Variants in GDA observed in about 807,000 individuals in gnomAD.
GDA encodes the protein guanine deaminase, also known as cytoplasmic PSD-95 interactor.
Under a neutral mutation model 59.6 loss-of-function variants are expected in GDA, and 18 were observed. The observed-to-expected ratio is 0.30, with a 90% CI of 0.21 to 0.45. The LOEUF (loss-of-function observed/expected upper bound fraction) is 0.45, where lower values mean the gene tolerates loss of function less well. Ranked by LOEUF, GDA falls within the 20% of genes least tolerant of loss-of-function variation. GDA has a pLI of 1.00. For missense variants in GDA, 427 were observed against 552.3 expected, an observed-to-expected ratio of 0.77 and a Z score of 2.27; for synonymous variants, 201 against 201.1, an observed-to-expected ratio of 1.00 and a Z score of 0.00.
chr9:72,138,408 C>T (rs865773723), intron 1 of GDA, among the ~76,000 whole-genome samples: 5 of 152,146 alleles, frequency 3.3e-5, no homozygotes, highest in African/African-American at 7.2e-5. Context: ...GGAGCAGAAC[C>T]GCTCTTAGTT....
chr9:72,166,473 G>C (rs988030851), intron 1 of GDA, among the ~76,000 whole-genome samples: 1 of 152,084 alleles, frequency 6.6e-6, no homozygotes, highest in East Asian at 1.9e-4. Flanking sequence ...AGGGCAGCTA[G>C]ATAGAAGTTA....
intron 1 of GDA, among the ~76,000 whole-genome samples, chr9:72,172,658 G>A (rs1342453058): frequency 2.6e-5 from 4 of 152,160 alleles, no homozygotes; most frequent in Non-Finnish European, 4.4e-5. Flanking sequence ...GATGTGGCCT[G>A]TGCAAGTGTG....
chr9:72,251,980 T>A lies in GDA; in HGVS notation c.*3638T>A, dbSNP rs1375220783. 2 of 152,456 alleles carry A rather than the reference T, an allele frequency of 1.3e-5. No homozygotes were observed. The highest frequency in any genetic ancestry group is 2.9e-5 in the Non-Finnish European group (2 of 68,028). 9.4% of individuals were successfully genotyped at this position (152,456 alleles called of 1,614,324 possible). On this transcript the variant is annotated 3_prime_UTR_variant, in exon 14 of 14. Transcript: ENST00000358399. ...TTGGGTAACAGAAGTTATTCTTAGC[T>A]TACCTGTTATGTGACAGTGATTTAC...
chr9:72,166,293 T>C (rs759206990), intron 1 of GDA, among the ~76,000 whole-genome samples: 5 of 151,986 alleles, frequency 3.3e-5, no homozygotes, highest in Non-Finnish European at 5.9e-5. Context: ...GGGAACAAGA[T>C]TTGGAAAGGA....
chr9:72,153,059 A>G (rs1827424322), intron 1 of GDA, among the ~76,000 whole-genome samples: 1 of 152,128 alleles, frequency 6.6e-6, no homozygotes. Flanking sequence ...TCCTTTCCCC[A>G]TTGCTTGTTT....
At chr9:72,256,413 G>T (rs1363022582), downstream of GDA, among the ~76,000 whole-genome samples, 4 of 152,146 alleles carry the variant, frequency 2.6e-5, no homozygotes, top group East Asian at 7.7e-4. Context: ...TAGACAATAT[G>T]TTATGTTTAT....
In GDA at chr9:72,250,825, G is replaced by T; in HGVS notation, c.*2483G>T. ...CTTAATGTTCCATGGTATTTTCAAC[G>T]GAATACACTTTGAAAGGTAAAAACA... On this transcript the variant is annotated 3_prime_UTR_variant, in exon 14 of 14. Coordinates refer to ENST00000358399, the MANE Select transcript of GDA (RefSeq NM_004293.5). The T allele has an allele frequency of 1.2e-6, 2 of 1,609,606 alleles. No homozygotes were observed. Among genetic ancestry groups the T allele is most frequent in the Non-Finnish European group, 1.7e-6 (2 of 1,177,356 alleles).
chr9:72,173,488 G>A (rs535432221), intron 1 of GDA, among the ~76,000 whole-genome samples: 15 of 152,012 alleles, frequency 9.9e-5, no homozygotes, highest in African/African-American at 3.4e-4. Flanking sequence ...GTGCCACCAC[G>A]CCCGGCTAAT....
chr9:72,241,640 C>T (rs1839622667), intron 11 of GDA, among the ~76,000 whole-genome samples: 1 of 152,068 alleles, frequency 6.6e-6, no homozygotes, highest in Non-Finnish European at 1.5e-5. Flanking sequence ...GTCTGTAATC[C>T]CAGCACTTTG....
intron 1 of GDA, among the ~76,000 whole-genome samples, chr9:72,179,431 A>G (rs1222858160): frequency 1.3e-5 from 2 of 152,230 alleles, no homozygotes; most frequent in South Asian, 2.1e-4. Flanking sequence ...AAAATGGTAA[A>G]TCAGAGAGGT....
intron 1 of GDA, among the ~76,000 whole-genome samples, chr9:72,194,596 G>A (rs1832931638): frequency 6.6e-6 from 1 of 152,216 alleles, no homozygotes; most frequent in East Asian, 1.9e-4. Context: ...GGTGATGCCA[G>A]CACTCCTGCA....
intron 6 of GDA, among the ~76,000 whole-genome samples, chr9:72,220,532 A>C (rs1484139112): frequency 6.6e-6 from 1 of 152,150 alleles, no homozygotes; most frequent in African/African-American, 2.4e-5. Context: ...AATTTTTATT[A>C]GGACAATCTC....
At chr9:72,180,939 ATTAT>A (rs780427464) in intron 1 of GDA, among the ~76,000 whole-genome samples, 1 of 152,186 alleles carries the variant, frequency 6.6e-6, no homozygotes, top group Non-Finnish European at 1.5e-5. Context: ...TGAGATCTGT[ATTAT>A]TGTGTTTCCT....
At chr9:72,227,832 A>T in intron 8 of GDA, 111 bp from the exon 9 acceptor site, 1 of 647,412 alleles carries the variant, frequency 1.5e-6, no homozygotes, top group Non-Finnish European at 2.8e-6. Context: ...TCTTGTGAAG[A>T]TGCTAACAGC....
chr9:72,194,671 G>T (rs533356339), intron 1 of GDA, among the ~76,000 whole-genome samples: 1 of 152,172 alleles, frequency 6.6e-6, no homozygotes, highest in South Asian at 2.1e-4. Flanking sequence ...TATTGTCTCT[G>T]GGCCCAGTTC....
At chr9:72,237,684 C>T (rs1839171835) in intron 10 of GDA, among the ~76,000 whole-genome samples, 1 of 152,168 alleles carries the variant, frequency 6.6e-6, no homozygotes, top group Non-Finnish European at 1.5e-5. Context: ...CTGAAGGAAC[C>T]CCCGAACTTC....
intron 3 of GDA, among the ~76,000 whole-genome samples, chr9:72,206,658 A>G (rs1834750361): frequency 6.6e-6 from 1 of 152,104 alleles, no homozygotes; most frequent in African/African-American, 2.4e-5. Context: ...CTGTAATCCC[A>G]GCTACTCAGG....
intron 1 of GDA, among the ~76,000 whole-genome samples, chr9:72,117,361 T>A (rs972572068): frequency 3.3e-5 from 5 of 152,172 alleles, no homozygotes; most frequent in African/African-American, 1.2e-4. Context: ...TGTCTTTTTT[T>A]AATGTTAAAA....
In GDA at chr9:72,250,764, A is replaced by G; in HGVS notation, c.*2422A>G. 1 of 1,611,334 alleles carries G rather than the reference A, an allele frequency of 6.2e-7. No homozygotes were observed. The highest frequency in any genetic ancestry group is 1.7e-4 in the Middle Eastern group (1 of 6,054). The stretch of plus-strand genomic sequence containing the variant: ...CTCTCTGACAGGAAAGAAACAATTC[A>G]CTTACCAGCCTCCTCACCCCATCCT... On this transcript the variant is annotated 3_prime_UTR_variant, in exon 14 of 14. Coordinates refer to ENST00000358399, the MANE Select transcript of GDA (RefSeq NM_004293.5).
Sources: allele counts gnomAD v4.1 joint callset (sites outside exome capture counted in the v4.1 genomes callset), GRCh38; gene constraint gnomAD v4.1.1; transcripts MANE v1.5; gene names NCBI Gene and HGNC (gene_info 2026-07-23, HGNC 2026-07-21).